NELL1: variants seen among roughly 807,000 people sequenced by gnomAD.
NELL1 encodes neural EGFL like 1, also known as protein kinase C-binding protein NELL1.
Under a neutral mutation model 107.4 loss-of-function variants are expected in NELL1, and 76 were observed. The observed-to-expected ratio is 0.71, with a 90% confidence interval of 0.59 to 0.86. NELL1 has a LOEUF of 0.86. NELL1 is among the 40% of genes least tolerant of loss of function. The probability of loss-of-function intolerance (pLI) is 0.00; values close to 1 mark genes in which losing one functional copy is unlikely to be tolerated. For missense variants in NELL1, 1,024 were observed against 1,005.5 expected, an observed-to-expected ratio of 1.02 and a Z score of -0.25; for synonymous variants, 353 against 341.2, an observed-to-expected ratio of 1.03 and a Z score of -0.38.
At chr11:21,029,316 C>T (rs562376694) in intron 12 of NELL1, among the ~76,000 whole-genome samples, 3 of 152,232 alleles carry the variant, frequency 2.0e-5, no homozygotes, top group Admixed American at 6.5e-5. Flanking sequence ...TTAATTTAAA[C>T]GTCACATTAC....
intron 13 of NELL1, among the ~76,000 whole-genome samples, chr11:21,206,324 C>T (rs1486354458): frequency 6.6e-6 from 1 of 152,132 alleles, no homozygotes. Flanking sequence ...CACAGTGTGC[C>T]TTCTGCTCTT....
At chr11:20,818,274 G>A (rs1238363220) in intron 3 of NELL1, among the ~76,000 whole-genome samples, 1 of 152,060 alleles carries the variant, frequency 6.6e-6, no homozygotes, top group Non-Finnish European at 1.5e-5. Flanking sequence ...ATTTTTGGGT[G>A]CATATCTATT....
chr11:20,835,282 T>A (rs772166853), intron 3 of NELL1, among the ~76,000 whole-genome samples: 4 of 152,230 alleles, frequency 2.6e-5, no homozygotes, highest in Admixed American at 6.5e-5. Context: ...TCGAGTGACA[T>A]GTAAATTCTT....
chr11:21,524,229 C>T lies in NELL1; in HGVS notation c.1646-10145C>T, dbSNP rs190504685. On this transcript the variant is annotated intron_variant, in intron 15 of 19. Coordinates refer to ENST00000357134, the MANE Select transcript of NELL1 (RefSeq NM_006157.5). ...TGTGGGTATGTTATTTAAACATGTA[C>T]ACCTCCATTTTCAGTAAAATTAGAG... Among the ~76,000 whole-genome samples the T allele has an allele frequency of 4.1e-3, 622 of 152,194 alleles. 1 individual carries two copies. Among genetic ancestry groups the T allele is most frequent in the Middle Eastern group, 0.02 (6 of 294 alleles).
rs71034514 is a variant in NELL1, at chr11:21,376,152, A to AT, written c.1645+5211dup. On this transcript the variant is annotated intron_variant, in intron 15 of 19. Coordinates refer to ENST00000357134, the MANE Select transcript of NELL1 (RefSeq NM_006157.5). ...TGATGTCCATAGTGGTGTTTTCTAGATTTTTTTATAGGATTCTACAGTTTG... is the reference window on the plus strand; with the variant it reads ...TGATGTCCATAGTGGTGTTTTCTAGATTTTTTTTATAGGATTCTACAGTTTG... Among the ~76,000 whole-genome samples, 3 of 151,984 alleles carry AT rather than the reference A, an allele frequency of 2.0e-5. No homozygotes were observed. The South Asian group carries it at 6.2e-4, about 32-fold the overall frequency.
chr11:21,570,627 AC>A, intron 17 of NELL1, 136 bp from the exon 18 acceptor site: 4 of 574,238 alleles, frequency 7.0e-6, no homozygotes, highest in Non-Finnish European at 1.1e-5. Flanking sequence ...TTGTGTGAAC[AC>A]ACATGTGTGC....
At chr11:21,159,906 G>A (rs1440401319) in intron 13 of NELL1, among the ~76,000 whole-genome samples, 1 of 152,112 alleles carries the variant, frequency 6.6e-6, no homozygotes, top group Non-Finnish European at 1.5e-5. Flanking sequence ...TTCTTCATCT[G>A]TTCTATTTAG....
intron 4 of NELL1, among the ~76,000 whole-genome samples, chr11:20,860,950 C>A (rs1267360206): frequency 2.0e-5 from 3 of 152,146 alleles, no homozygotes; most frequent in African/African-American, 7.2e-5. Flanking sequence ...CAGGACATAT[C>A]TCCATCTTTA....
At chr11:21,274,421 G>C (rs942700268) in intron 14 of NELL1, among the ~76,000 whole-genome samples, 4 of 152,172 alleles carry the variant, frequency 2.6e-5, no homozygotes, top group African/African-American at 9.7e-5. Context: ...GACCTACAAA[G>C]AGACTTAGAC....
chr11:20,820,895 C>A (rs1040467949), intron 3 of NELL1, among the ~76,000 whole-genome samples: 1 of 28,142 alleles, frequency 3.6e-5, no homozygotes, highest in Non-Finnish European at 1.0e-4. Flanking sequence ...AACTTGTCAC[C>A]TAACAATATA....
intron 12 of NELL1, among the ~76,000 whole-genome samples, chr11:21,007,039 G>C (rs1417784839): frequency 1.3e-5 from 2 of 151,918 alleles, no homozygotes; most frequent in Non-Finnish European, 2.9e-5. Context: ...AGCAAATGTT[G>C]GCTGACCCTG....
chr11:21,160,828 A>G (rs936381700), intron 13 of NELL1, among the ~76,000 whole-genome samples: 1 of 152,130 alleles, frequency 6.6e-6, no homozygotes, highest in South Asian at 2.1e-4. Flanking sequence ...GCTCAGCTAC[A>G]AATGGTAAGG....
chr11:20,686,672 T>C (rs1565306776), intron 2 of NELL1, among the ~76,000 whole-genome samples: 1 of 152,168 alleles, frequency 6.6e-6, no homozygotes, highest in Non-Finnish European at 1.5e-5. Flanking sequence ...CGGTGATCAA[T>C]ATGAGTAGGT....
At chr11:21,425,485 G>A (rs1470964876) in intron 15 of NELL1, among the ~76,000 whole-genome samples, 1 of 152,110 alleles carries the variant, frequency 6.6e-6, no homozygotes, top group Non-Finnish European at 1.5e-5. Flanking sequence ...TAATTTTAGG[G>A]TCATTATAAG....
At chr11:21,089,583 G>C (rs34300951) in intron 12 of NELL1, among the ~76,000 whole-genome samples, 12,132 of 152,110 alleles carry the variant, frequency 0.08, 658 homozygotes, top group Admixed American at 0.11. Context: ...ATTAACAAAG[G>C]CTGTTTATTC....
intron 3 of NELL1, 46 bp from the exon 4 acceptor site, chr11:20,847,537 A>G: frequency 6.3e-7 from 1 of 1,575,626 alleles, no homozygotes. Context: ...GATGGCTGTG[A>G]TATCCAGAAC....
chr11:20,773,469 C>T (rs1856679587), intron 2 of NELL1: 2 of 151,696 alleles, frequency 1.3e-5, no homozygotes, highest in East Asian at 3.9e-4. Context: ...AGGTTATATA[C>T]TTGATAAGAT....
chr11:21,303,072 C>CTATATCTATATCTA (rs1452175624), intron 14 of NELL1, among the ~76,000 whole-genome samples: 1 of 48,978 alleles, frequency 2.0e-5, no homozygotes, highest in Non-Finnish European at 4.8e-5. Flanking sequence ...CTCTTTTGCT[C>CTATATCTATATCTA]TATATCTATA....
chr11:21,019,372 A>G (rs878980430), intron 12 of NELL1, among the ~76,000 whole-genome samples: 1 of 152,108 alleles, frequency 6.6e-6, no homozygotes, highest in Non-Finnish European at 1.5e-5. Flanking sequence ...TCCAGTCGGG[A>G]AAGAATGCAC....
Sources: allele counts gnomAD v4.1 joint callset (sites outside exome capture counted in the v4.1 genomes callset), GRCh38; gene constraint gnomAD v4.1.1; transcripts MANE v1.5; gene names NCBI Gene and HGNC (gene_info 2026-07-23, HGNC 2026-07-21).